The following SLC17A4 variants were observed in gnomAD, a reference collection of about 807,000 sequenced individuals.
The protein encoded by SLC17A4 is probable small intestine urate exporter.
A neutral mutation model predicts 52.5 loss-of-function variants in SLC17A4; 33 were observed. That is an observed-to-expected ratio of 0.63 (90% CI 0.48 to 0.84). The LOEUF (loss-of-function observed/expected upper bound fraction) is 0.84. SLC17A4 is among the 40% of genes least tolerant of loss of function. SLC17A4 has a pLI of 0.00. For missense variants in SLC17A4, 585 were observed against 597.1 expected, an observed-to-expected ratio of 0.98 and a Z score of 0.21; for synonymous variants, 225 against 216.2, an observed-to-expected ratio of 1.04 and a Z score of -0.36.
intron 2 of SLC17A4, among the ~76,000 whole-genome samples, chr6:25,767,491 C>A (rs139301642): frequency 6.6e-6 from 1 of 152,004 alleles, no homozygotes; most frequent in African/African-American, 2.4e-5. Context: ...AGTACCTTGC[C>A]CCAGAATACA....
At position 25,776,842 on chromosome 6, in the gene SLC17A4, C is replaced by T. The variant is rs761468967; in HGVS notation, c.1151C>T (p.Ser384Phe). 20 of 1,613,872 alleles carry T rather than the reference C, an allele frequency of 1.2e-5. No homozygotes were observed. The highest frequency in any genetic ancestry group is 1.6e-5 in the Non-Finnish European group (19 of 1,179,924). The change falls in exon 10 of 12, where the codon TCC (serine) becomes TTC (phenylalanine). Residue 384 changes from serine (S) to phenylalanine (F), a missense_variant. Coordinates refer to ENST00000377905, the MANE Select transcript of SLC17A4 (RefSeq NM_005495.3). The stretch of plus-strand genomic sequence containing the variant: ...CTCTTCCCATCCGTGATCCTCGTGT[C>T]CCTGCCCTGGGTCAGATCCAGCCAC... ...GVLFPSVILV[S>F]LPWVRSSHSM...
At chr6:25,770,583 T>A in intron 5 of SLC17A4, 112 bp downstream of exon 5, 1 of 982,228 alleles carries the variant, frequency 1.0e-6, no homozygotes, top group Non-Finnish European at 1.6e-6. Context: ...CATAGTCCTT[T>A]CCTTAAAGCA....
intron 2 of SLC17A4, among the ~76,000 whole-genome samples, chr6:25,766,212 G>A (rs1358296789): frequency 6.6e-6 from 1 of 150,772 alleles, no homozygotes; most frequent in African/African-American, 2.4e-5. Context: ...TATGAATAAA[G>A]AAAAAATTAT....
intron 2 of SLC17A4, chr6:25,768,404 C>T (rs1229300700): frequency 1.0e-6 from 1 of 988,020 alleles, no homozygotes; most frequent in African/African-American, 1.7e-5. Context: ...GGGATATCCC[C>T]AGAGCTCCTA....
chr6:25,767,678 A>T (rs961917188), intron 2 of SLC17A4, among the ~76,000 whole-genome samples: 1 of 152,220 alleles, frequency 6.6e-6, no homozygotes, highest in African/African-American at 2.4e-5. Flanking sequence ...CTAGTGGTGT[A>T]ATGTGAGAAG....
At chr6:25,773,426 T>C in intron 7 of SLC17A4, 33 bp downstream of exon 7, 2 of 1,612,704 alleles carry the variant, frequency 1.2e-6, no homozygotes, top group South Asian at 1.1e-5. Flanking sequence ...CATTTCTCTA[T>C]GTCCCTCTAG....
chr6:25,770,474 A>G lies in SLC17A4; in HGVS notation c.619+3A>G. 1 of 1,613,906 alleles carries G rather than the reference A, an allele frequency of 6.2e-7. No individual in the cohort carries two copies. Among genetic ancestry groups the G allele is most frequent in the Non-Finnish European group, 8.5e-7 (1 of 1,179,796 alleles). On this transcript the variant is annotated splice_donor_region_variant and intron_variant, in intron 5 of 11. Transcript: ENST00000377905. ...ACTCACCACCATTGCTGGATCAGGTAACTGGTACCCTAAACCTCACTTTAC... is the reference window on the plus strand; with the variant it reads ...ACTCACCACCATTGCTGGATCAGGTGACTGGTACCCTAAACCTCACTTTAC...
In SLC17A4 at chr6:25,776,964, G is replaced by A. The variant is rs1303674729; in HGVS notation, c.1268+5G>A. 1.2e-6 allele frequency: 2 copies of A among 1,607,028 alleles called. No individual in the cohort carries two copies. Among genetic ancestry groups the A allele is most frequent in the Non-Finnish European group, 1.7e-6 (2 of 1,176,176 alleles). On this transcript the variant is annotated splice_donor_5th_base_variant and intron_variant, in intron 10 of 11. Coordinates refer to ENST00000377905, the MANE Select transcript of SLC17A4 (RefSeq NM_005495.3). ...CTTCTTGGATATTGCTCCTCGGTAG[G>A]GACCTCTTTTGCCTCATCCTTTCAG...
chr6:25,777,789 G>A (rs1212978512), intron 10 of SLC17A4, 137 bp from the exon 11 acceptor site: 12 of 663,474 alleles, frequency 1.8e-5, no homozygotes, highest in Non-Finnish European at 3.2e-5. Flanking sequence ...ATCTCCAGAG[G>A]TAAGCACAGA....
intron 2 of SLC17A4, among the ~76,000 whole-genome samples, chr6:25,768,626 C>T (rs1452441354): frequency 6.6e-6 from 1 of 152,188 alleles, no homozygotes; most frequent in Non-Finnish European, 1.5e-5. Context: ...GCAGTTTCCT[C>T]TCTCTCACTG....
rs932807513 is a variant in SLC17A4 at position 25,776,632 on chromosome 6, G to A, written c.1025G>A (p.Cys342Tyr). The change falls in exon 9 of 12, where the codon TGT (cysteine) becomes TAT (tyrosine). Residue 342 changes from cysteine to tyrosine, a missense_variant. Coordinates refer to ENST00000377905, the MANE Select transcript of SLC17A4 (RefSeq NM_005495.3). ...TCTGCCTTGCCGTTTGTTGTTGGATGTATCTGCATTATCCTTGGAGGTCTA... is the reference window on the plus strand; with the variant it reads ...TCTGCCTTGCCGTTTGTTGTTGGATATATCTGCATTATCCTTGGAGGTCTA... ...ILSALPFVVG[C>Y]ICIILGGLLA... The A allele has an allele frequency of 3.1e-6, 5 of 1,613,112 alleles. No homozygotes were observed. Among genetic ancestry groups the A allele is most frequent in the East Asian group, 2.2e-5 (1 of 44,900 alleles).
chr6:25,756,590 C>T (rs1442434919), intron 1 of SLC17A4, among the ~76,000 whole-genome samples: 1 of 152,208 alleles, frequency 6.6e-6, no homozygotes, highest in Non-Finnish European at 1.5e-5. Flanking sequence ...CACTGTCCTC[C>T]CTTCACCCTC....
rs1314619184 is a variant in SLC17A4, at chr6:25,769,188, A to G, written c.295A>G (p.Met99Val). Reference protein sequence around the residue: ...WNETLKEFKAMAPAYDWSPEI... With the variant: ...WNETLKEFKAVAPAYDWSPEI... ...TGAAACTCTAAAAGAATTTAAAGCA[A>G]TGGTAAGTTTAATGAGACTCTGGAC... The change falls in exon 3 of 12, where the codon ATG becomes GTG. Residue 99 changes from methionine to valine, a missense_variant and splice_region_variant. Transcript: ENST00000377905. The G allele has an allele frequency of 6.2e-7, 1 of 1,613,440 alleles. No homozygotes were observed. Among genetic ancestry groups the G allele is most frequent in the Non-Finnish European group, 8.5e-7 (1 of 1,179,454 alleles).
intron 7 of SLC17A4, 44 bp downstream of exon 7, chr6:25,773,437 A>T (rs1471195897): frequency 6.2e-7 from 1 of 1,612,430 alleles, no homozygotes; most frequent in African/African-American, 1.3e-5. Flanking sequence ...GTCCCTCTAG[A>T]CGTCTGAGAG....
chr6:25,778,938 T>G, intron 11 of SLC17A4, 116 bp from the exon 12 acceptor site: 2 of 1,352,348 alleles, frequency 1.5e-6, no homozygotes, highest in Non-Finnish European at 2.1e-6. Flanking sequence ...GGGAAGCCCA[T>G]GGAAGCCAGA....
At chr6:25,766,533 T>C (rs1368195600) in intron 2 of SLC17A4, among the ~76,000 whole-genome samples, 2 of 151,878 alleles carry the variant, frequency 1.3e-5, no homozygotes, top group African/African-American at 2.4e-5. Flanking sequence ...AAAAAGAGAG[T>C]AATTTTACAG....
At chr6:25,769,237 G>T in intron 3 of SLC17A4, 47 bp downstream of exon 3, 2 of 1,512,956 alleles carry the variant, frequency 1.3e-6, no homozygotes, top group South Asian at 2.3e-5. Context: ...CAAATAATTT[G>T]ACTTAAAGAG....
Position 25,761,972 on chromosome 6 carries a change from G to A in SLC17A4, c.10G>A (p.Gly4Arg), listed in dbSNP as rs369261331. ...GGAAGAGAGAACCAAAATGTCTACC[G>A]GACCAGATGTCAAGGCTACAGTGGG... is the stretch of plus-strand genomic sequence containing the variant. MST[G>R]PDVKATVGDI... The change falls in exon 2 of 12, where the codon GGA becomes AGA. Residue 4 changes from glycine (G) to arginine (R), a missense_variant. Physicochemically the swap from Gly to Arg is moderately radical, Grantham distance 125. Coordinates refer to ENST00000377905, the MANE Select transcript of SLC17A4 (RefSeq NM_005495.3). The A allele has an allele frequency of 1.2e-5, 20 of 1,612,884 alleles. No individual in the cohort carries two copies. Among genetic ancestry groups the A allele is most frequent in the Admixed American group, 6.7e-5 (4 of 59,858 alleles).
chr6:25,759,784 CT>C (rs67712859), intron 1 of SLC17A4, among the ~76,000 whole-genome samples: 8,767 of 152,282 alleles, frequency 0.058, 713 homozygotes, highest in African/African-American at 0.18. Flanking sequence ...AGGTGAATCT[CT>C]TGAAGACTAT....
Sources: allele counts gnomAD v4.1 joint callset (sites outside exome capture counted in the v4.1 genomes callset), GRCh38; gene constraint gnomAD v4.1.1; transcripts MANE v1.5; gene names NCBI Gene and HGNC (gene_info 2026-07-23, HGNC 2026-07-21).